The following FHIP2A variants were observed in gnomAD, a reference collection of about 807,000 sequenced individuals.
FHIP2A encodes family with sequence similarity 160 member B1.
FHIP2A carries 46 observed loss-of-function variants against 93.5 expected under a neutral mutation model. The ratio of observed to expected loss-of-function variants is 0.49; its 90% CI spans 0.39 to 0.63. The LOEUF (loss-of-function observed/expected upper bound fraction) is 0.63, where lower values mean the gene tolerates loss of function less well. Ranked by LOEUF, FHIP2A falls within the 20% of genes least tolerant of loss-of-function variation. The probability of loss-of-function intolerance (pLI) is 0.00; values close to 1 mark genes in which losing one functional copy is unlikely to be tolerated. For synonymous variants in FHIP2A, 332 were observed against 326.5 expected (o/e 1.02, Z -0.18); for missense variants, 769 against 909.7 (o/e 0.85, Z 1.99).
chr10:114,868,423 C>T (rs780760365), downstream of FHIP2A, among the ~76,000 whole-genome samples: 3 of 152,198 alleles, frequency 2.0e-5, no homozygotes, highest in South Asian at 4.1e-4. Flanking sequence ...AGTTGCATCC[C>T]GAAATCATCC....
intron 16 of FHIP2A, among the ~76,000 whole-genome samples, chr10:114,892,124 C>T (rs11196968): frequency 0.29 from 44,689 of 151,832 alleles, 7,679 homozygotes; most frequent in Middle Eastern, 0.42. Flanking sequence ...ATAAAATAGG[C>T]AAAGAACAGA....
At chr10:114,891,419 A>G (rs2083973349) in intron 16 of FHIP2A, among the ~76,000 whole-genome samples, 1 of 151,826 alleles carries the variant, frequency 6.6e-6, no homozygotes, top group Non-Finnish European at 1.5e-5. Context: ...TATATACAGT[A>G]TATAAAACCT....
rs2083817720 is a variant in FHIP2A, at chr10:114,864,312, A to C, written c.*2772A>C. On this transcript the variant is annotated 3_prime_UTR_variant, in exon 17 of 17. Coordinates refer to ENST00000369248, the MANE Select transcript of FHIP2A (RefSeq NM_020940.4). ...TCCATCAGTATTGACAGAAGACGTT[A>C]CAGTGAAGTGCTAAAACCACACTAT... The C allele has an allele frequency of 1.0e-6, 1 of 985,406 alleles. No homozygotes were observed. The highest frequency in any genetic ancestry group is 1.2e-6 in the Non-Finnish European group (1 of 829,474). 61.0% of individuals were successfully genotyped at this position (985,406 alleles called of 1,614,324 possible).
chr10:114,840,258 G>A (rs1224251088), intron 5 of FHIP2A, among the ~76,000 whole-genome samples: 1 of 152,172 alleles, frequency 6.6e-6, no homozygotes, highest in East Asian at 1.9e-4. Flanking sequence ...AATGAGCCTT[G>A]ACATGTTTAG....
rs2143013333 is a variant in FHIP2A at position 114,861,973 on chromosome 10, T to G, written c.*433T>G. 2 of 982,186 alleles carry G rather than the reference T, an allele frequency of 2.0e-6. No homozygotes were observed. Among genetic ancestry groups the G allele is most frequent in the African/African-American group, 3.5e-5 (2 of 57,226 alleles). 60.8% of individuals were successfully genotyped at this position (982,186 alleles called of 1,614,324 possible). On this transcript the variant is annotated 3_prime_UTR_variant, in exon 17 of 17. Transcript: ENST00000369248. ...ATAAGTAGCAAAAAAAAATCACTAATTTTATAACTTTTTAAGGTCAGAATT... is the reference window on the plus strand; with the variant it reads ...ATAAGTAGCAAAAAAAAATCACTAAGTTTATAACTTTTTAAGGTCAGAATT...
Position 114,836,132 on chromosome 10 carries a change from T to G in FHIP2A, c.408T>G (p.Ile136Met), listed in dbSNP as rs776400804. 1.9e-6 allele frequency: 3 copies of G among 1,570,824 alleles called. No individual in the cohort carries two copies. The highest frequency in any genetic ancestry group is 1.7e-6 in the Non-Finnish European group (2 of 1,151,770). Residue 136 changes from isoleucine (I) to methionine (M), a missense_variant, in exon 5 of 17, where the codon ATT becomes ATG. Ile to Met is a conservative substitution (Grantham distance 10). Coordinates refer to ENST00000369248, the MANE Select transcript of FHIP2A (RefSeq NM_020940.4). The part of the protein sequence containing the change: ...INVHRPVQKL[I>M]RLCGEVLATP... Reference sequence around the variant, plus strand: ...AACAATTGTTTTCACAGAAATTAATTAGACTCTGTGGTGAAGTCCTAGCAA... The same window carrying G: ...AACAATTGTTTTCACAGAAATTAATGAGACTCTGTGGTGAAGTCCTAGCAA...
chr10:114,866,487 T>C (rs565184907), downstream of FHIP2A, among the ~76,000 whole-genome samples: 9 of 152,212 alleles, frequency 5.9e-5, no homozygotes, highest in Non-Finnish European at 1.2e-4. Context: ...TACTCATTGA[T>C]TGGACTATTG....
At chr10:114,866,780 A>G (rs547156111), downstream of FHIP2A, among the ~76,000 whole-genome samples, 7 of 152,344 alleles carry the variant, frequency 4.6e-5, no homozygotes, top group East Asian at 5.8e-4. Context: ...AAGATGGCAA[A>G]TCATCTAAAC....
At chr10:114,864,743 A>AT, downstream of FHIP2A, 1 of 962,312 alleles carries the variant, frequency 1.0e-6, no homozygotes, top group Non-Finnish European at 1.2e-6. Context: ...TAAAATTCTA[A>AT]TTGGGAACAT....
chr10:114,832,807 G>A (rs1352981860), intron 2 of FHIP2A, among the ~76,000 whole-genome samples: 1 of 150,920 alleles, frequency 6.6e-6, no homozygotes, highest in Admixed American at 6.6e-5. Context: ...CACCTCCCAG[G>A]TTCAAGAGAT....
At chr10:114,856,201 A>G (rs761360751) in intron 14 of FHIP2A, among the ~76,000 whole-genome samples, 5 of 152,238 alleles carry the variant, frequency 3.3e-5, no homozygotes, top group African/African-American at 7.2e-5. Context: ...AGAAAGTCAA[A>G]TAAAGAAATT....
chr10:114,822,108 G>C lies in FHIP2A; in HGVS notation c.30G>C (p.Gln10His). Residue 10 changes from glutamine to histidine, a missense_variant, in exon 1 of 17, where the codon CAG (glutamine) becomes CAC (histidine). Transcript: ENST00000369248. ...TCTCCAAGTTCACCTCCATCCTGCAGCACGCCGTGGAGGCGGTAAGGCCGC... is the reference window on the plus strand; with the variant it reads ...TCTCCAAGTTCACCTCCATCCTGCACCACGCCGTGGAGGCGGTAAGGCCGC... Reference protein sequence around the residue: MFSKFTSILQHAVEALAPSL... With the variant: MFSKFTSILHHAVEALAPSL... 1 of 1,340,316 alleles carries C rather than the reference G, an allele frequency of 7.5e-7. No homozygotes were observed. The highest frequency in any genetic ancestry group is 3.3e-5 in the East Asian group (1 of 30,564). The allele number at this position is 1,340,316 out of a possible 1,614,324, so 83.0% of individuals were successfully genotyped here. A position where few individuals can be genotyped will look rare whatever the true frequency, so the allele number is the denominator to read the frequency against.
chr10:114,851,595 G>GT (rs1319339355), intron 13 of FHIP2A, among the ~76,000 whole-genome samples: 46 of 149,972 alleles, frequency 3.1e-4, no homozygotes, highest in African/African-American at 1.0e-3. Flanking sequence ...CAGCTTTGCA[G>GT]TAAGTTTTGA....
chr10:114,898,031 G>A (rs1373794029), intron 16 of FHIP2A, among the ~76,000 whole-genome samples: 1 of 152,190 alleles, frequency 6.6e-6, no homozygotes, highest in East Asian at 1.9e-4. Flanking sequence ...GCTGTATTAT[G>A]TTAGGTGAAA....
downstream of FHIP2A, among the ~76,000 whole-genome samples, chr10:114,868,191 C>G (rs1318305581): frequency 6.6e-6 from 1 of 152,082 alleles, no homozygotes; most frequent in Non-Finnish European, 1.5e-5. Context: ...GTCCCCCAAC[C>G]CCCGGGCCAC....
At chr10:114,853,945 T>G (rs1288978234) in intron 13 of FHIP2A, among the ~76,000 whole-genome samples, 5 of 152,190 alleles carry the variant, frequency 3.3e-5, no homozygotes, top group African/African-American at 1.2e-4. Context: ...TAATTTTGCT[T>G]TATTAAATAA....
At chr10:114,899,440 G>T in intron 16 of FHIP2A, 1 of 718,028 alleles carries the variant, frequency 1.4e-6, no homozygotes, top group African/African-American at 1.7e-5. Context: ...ACATCCTCAG[G>T]GATCAGCCGT....
intron 10 of FHIP2A, 83 bp downstream of exon 10, chr10:114,846,450 C>T (rs1010727389): frequency 1.4e-6 from 2 of 1,446,420 alleles, no homozygotes; most frequent in African/African-American, 2.8e-5. Context: ...ATTTTCAATA[C>T]AACCTCTTTT....
intron 16 of FHIP2A, among the ~76,000 whole-genome samples, chr10:114,880,004 G>A (rs1010215747): frequency 6.6e-6 from 1 of 152,152 alleles, no homozygotes; most frequent in African/African-American, 2.4e-5. Context: ...ATTTAGAGGG[G>A]TGACATCCGG....
Sources: gnomAD v4.1 joint callset for allele counts (sites outside exome capture counted in the v4.1 genomes callset) on GRCh38, gnomAD v4.1.1 for gene constraint, MANE v1.5 for transcripts, NCBI Gene and HGNC (gene_info 2026-07-23, HGNC 2026-07-21) for gene names.